The following SGCG variants were observed in gnomAD, a reference collection of about 807,000 sequenced individuals.
SGCG encodes sarcoglycan gamma, also known as gamma-sarcoglycan.
SGCG carries 26 observed loss-of-function variants against 29.3 expected under a neutral mutation model. That is an observed-to-expected ratio of 0.89 (90% confidence interval 0.65 to 1.23). SGCG has a LOEUF of 1.23. SGCG is among the 50% of genes most tolerant of loss of function. The probability of loss-of-function intolerance (pLI) is 0.00; values close to 1 mark genes in which losing one functional copy is unlikely to be tolerated. For synonymous variants in SGCG, 145 were observed against 129.7 expected (o/e 1.12, Z -0.80); for missense variants, 353 against 356.0 (o/e 0.99, Z 0.07).
intron 7 of SGCG, among the ~76,000 whole-genome samples, chr13:23,323,802 G>T (rs1012015259): frequency 2.6e-5 from 4 of 152,146 alleles, no homozygotes; most frequent in African/African-American, 9.7e-5. Context: ...GAATTTAATT[G>T]CCTCTCATAG....
intron 6 of SGCG, among the ~76,000 whole-genome samples, chr13:23,315,871 G>A (rs1365340294): frequency 6.6e-6 from 1 of 152,180 alleles, no homozygotes; most frequent in East Asian, 1.9e-4. Context: ...GAAGATATTT[G>A]TATCCCATGT....
chr13:23,271,086 C>G (rs1188430035), intron 4 of SGCG, among the ~76,000 whole-genome samples: 1 of 152,022 alleles, frequency 6.6e-6, no homozygotes, highest in African/African-American at 2.4e-5. Context: ...GTGGCACGCG[C>G]CCGTAATCCC....
At chr13:23,299,444 A>ATTTTTTTTT (rs1566037511) in intron 6 of SGCG, among the ~76,000 whole-genome samples, 3 of 5,636 alleles carry the variant, frequency 5.3e-4, no homozygotes, top group Non-Finnish European at 1.0e-3. Context: ...ATATATATAT[A>ATTTTTTTTT]TATATATATA....
chr13:23,226,204 C>T (rs1212390564), intron 2 of SGCG, among the ~76,000 whole-genome samples: 2 of 151,972 alleles, frequency 1.3e-5, no homozygotes, highest in Non-Finnish European at 2.9e-5. Flanking sequence ...TTAAAAAGAT[C>T]GTCTATTATG....
intron 1 of SGCG, among the ~76,000 whole-genome samples, chr13:23,200,025 A>G (rs1877677231): frequency 1.3e-5 from 2 of 152,158 alleles, no homozygotes; most frequent in South Asian, 4.1e-4. Context: ...CACTAAACGT[A>G]CTCTGTTTAT....
chr13:23,274,117 A>T (rs1403224410), intron 4 of SGCG, among the ~76,000 whole-genome samples: 1 of 152,120 alleles, frequency 6.6e-6, no homozygotes, highest in South Asian at 2.1e-4. Flanking sequence ...CTTTTTTGTC[A>T]TATTTAACGC....
chr13:23,188,535 T>G (rs1877099455), intron 1 of SGCG, among the ~76,000 whole-genome samples: 1 of 148,236 alleles, frequency 6.7e-6, no homozygotes, highest in South Asian at 2.1e-4. Flanking sequence ...GTCAGGCTGG[T>G]CATGAATTCC....
At chr13:23,256,105 C>T (rs769660809) in intron 4 of SGCG, among the ~76,000 whole-genome samples, 3 of 152,030 alleles carry the variant, frequency 2.0e-5, no homozygotes, top group East Asian at 3.9e-4. Flanking sequence ...AAGTCATATC[C>T]TCAAGGTGCA....
At chr13:23,299,435 TATA>T (rs1882045175) in intron 6 of SGCG, among the ~76,000 whole-genome samples, 1 of 20,190 alleles carries the variant, frequency 5.0e-5, no homozygotes, top group Admixed American at 5.5e-4. Context: ...TATATATATA[TATA>T]TATATATATA....
chr13:23,167,446 T>C, the SGCG span, among the ~76,000 whole-genome samples: 4 of 152,208 alleles, frequency 2.6e-5, no homozygotes, highest in Non-Finnish European at 5.9e-5. Context: ...CTGAATCTCA[T>C]AGTAGCTCTA....
At chr13:23,261,841 G>T (rs1282232780) in intron 4 of SGCG, among the ~76,000 whole-genome samples, 1 of 152,044 alleles carries the variant, frequency 6.6e-6, no homozygotes, top group East Asian at 1.9e-4. Flanking sequence ...AGAAAGGATT[G>T]GGGTACTATC....
chr13:23,319,025 C>T (rs769169568), intron 6 of SGCG, among the ~76,000 whole-genome samples: 6 of 152,128 alleles, frequency 3.9e-5, no homozygotes, highest in African/African-American at 1.2e-4. Context: ...TGGGGCCAGG[C>T]GTGGTGGCTC....
chr13:23,237,090 G>C (rs1441664644), intron 3 of SGCG, among the ~76,000 whole-genome samples: 1 of 152,126 alleles, frequency 6.6e-6, no homozygotes, highest in Admixed American at 6.5e-5. Flanking sequence ...TATGTGTACT[G>C]ATGAGCTGAG....
At chr13:23,251,200 A>C (rs750751480) in intron 4 of SGCG, among the ~76,000 whole-genome samples, 14 of 152,154 alleles carry the variant, frequency 9.2e-5, no homozygotes, top group Non-Finnish European at 1.6e-4. Flanking sequence ...ACTGTACAGA[A>C]CCTATAGGGC....
intron 6 of SGCG, among the ~76,000 whole-genome samples, chr13:23,305,450 A>T (rs1882325495): frequency 6.6e-6 from 1 of 152,242 alleles, no homozygotes; most frequent in African/African-American, 2.4e-5. Flanking sequence ...TTCCAAGTAT[A>T]CTATCAGATC....
intron 6 of SGCG, among the ~76,000 whole-genome samples, chr13:23,316,986 C>G (rs1046675277): frequency 6.6e-6 from 1 of 152,126 alleles, no homozygotes. Flanking sequence ...GTGGGCAGAT[C>G]ATGAGGTCAG....
intron 3 of SGCG, 49 bp from the exon 4 acceptor site, chr13:23,250,581 A>C (rs1343862369): frequency 1.2e-6 from 1 of 863,232 alleles, no homozygotes; most frequent in Non-Finnish European, 2.0e-6. Flanking sequence ...TAAAGATATA[A>C]TCATTTTAAA....
intron 5 of SGCG, among the ~76,000 whole-genome samples, chr13:23,281,888 T>C (rs1042804381): frequency 1.3e-5 from 2 of 152,234 alleles, no homozygotes; most frequent in African/African-American, 2.4e-5. Context: ...TATCCGTCTA[T>C]GGCCCAGGGA....
At chr13:23,178,487 G>T (rs1876629330), upstream of SGCG, among the ~76,000 whole-genome samples, 1 of 152,172 alleles carries the variant, frequency 6.6e-6, no homozygotes. Context: ...AGGCTGAGCA[G>T]TTTTGAGGGA....
Sources: allele counts gnomAD v4.1 joint callset (sites outside exome capture counted in the v4.1 genomes callset), GRCh38; gene constraint gnomAD v4.1.1; transcripts MANE v1.5; gene names NCBI Gene and HGNC (gene_info 2026-07-23, HGNC 2026-07-21).